Variants in CPEB1 observed in about 807,000 individuals in gnomAD.
CPEB1 encodes cytoplasmic polyadenylation element binding protein 1, also known as cytoplasmic polyadenylation element-binding protein 1.
CPEB1 carries 7 observed loss-of-function variants against 65.8 expected under a neutral mutation model. The ratio of observed to expected loss-of-function variants is 0.11; its 90% CI spans 0.06 to 0.20. The LOEUF is 0.20. Among genes scored for constraint, CPEB1 ranks in the 10% least tolerant of loss-of-function variants. The probability of loss-of-function intolerance (pLI) is 1.00; values close to 1 mark genes in which losing one functional copy is unlikely to be tolerated. For synonymous variants in CPEB1, 262 were observed against 260.0 expected, an observed-to-expected ratio of 1.01 and a Z score of -0.08; for missense variants, 551 against 712.2, an observed-to-expected ratio of 0.77 and a Z score of 2.58.
At chr15:82,552,264 G>A (rs1307635828) in intron 9 of CPEB1, among the ~76,000 whole-genome samples, 2 of 151,078 alleles carry the variant, frequency 1.3e-5, no homozygotes, top group African/African-American at 2.4e-5. Flanking sequence ...ATGCGCATGT[G>A]TGCATGCACA....
chr15:82,553,726 G>T (rs1341111333), intron 7 of CPEB1, 152 bp downstream of exon 7: 1 of 744,860 alleles, frequency 1.3e-6, no homozygotes, highest in Admixed American at 2.3e-5. Context: ...GCACTATGGG[G>T]GTCTATGAAA....
chr15:82,586,643 A>G (rs899714241), intron 3 of CPEB1, among the ~76,000 whole-genome samples: 1 of 152,210 alleles, frequency 6.6e-6, no homozygotes, highest in Non-Finnish European at 1.5e-5. Context: ...TGAGTAGACC[A>G]CCTACAGTTA....
At chr15:82,576,274 G>A (rs1020265142) in intron 3 of CPEB1, among the ~76,000 whole-genome samples, 3 of 152,170 alleles carry the variant, frequency 2.0e-5, no homozygotes, top group African/African-American at 7.2e-5. Context: ...AAAAAATCAG[G>A]TGGTTGCCTC....
chr15:82,604,205 C>T (rs1434906406), intron 3 of CPEB1, among the ~76,000 whole-genome samples: 1 of 152,058 alleles, frequency 6.6e-6, no homozygotes, highest in African/African-American at 2.4e-5. Flanking sequence ...AACAACGGGC[C>T]AGGTGCAGTG....
chr15:82,585,177 C>G (rs896994311), intron 3 of CPEB1, among the ~76,000 whole-genome samples: 1 of 152,020 alleles, frequency 6.6e-6, no homozygotes, highest in Non-Finnish European at 1.5e-5. Flanking sequence ...ACCCTCCCCC[C>G]AGTACTAATT....
chr15:82,547,488 G>A (rs1489085918), intron 10 of CPEB1, among the ~76,000 whole-genome samples: 4 of 151,288 alleles, frequency 2.6e-5, no homozygotes, highest in South Asian at 2.1e-4. Context: ...AGTAGAGATC[G>A]GGTTTCACCA....
intron 3 of CPEB1, among the ~76,000 whole-genome samples, chr15:82,626,643 T>C (rs780727163): frequency 5.3e-5 from 8 of 152,248 alleles, no homozygotes; most frequent in Non-Finnish European, 8.8e-5. Context: ...AGAAACTAAA[T>C]GCGTGCTGAC....
intron 5 of CPEB1, 92 bp from the exon 6 acceptor site, chr15:82,556,214 G>T: frequency 7.5e-7 from 1 of 1,338,366 alleles, no homozygotes; most frequent in Non-Finnish European, 1.0e-6. Context: ...ACATCCAATA[G>T]ACATTTAGCA....
intron 3 of CPEB1, among the ~76,000 whole-genome samples, chr15:82,606,498 G>C (rs1335931083): frequency 6.8e-6 from 1 of 147,298 alleles, no homozygotes; most frequent in Non-Finnish European, 1.5e-5. Flanking sequence ...CTAGTTCTCA[G>C]CACATGCGCT....
intron 3 of CPEB1, among the ~76,000 whole-genome samples, chr15:82,607,158 G>A (rs2043692185): frequency 1.8e-5 from 2 of 108,594 alleles, no homozygotes; most frequent in Non-Finnish European, 3.7e-5. Flanking sequence ...AAAATGGCAG[G>A]TGTATATCTT....
At chr15:82,643,494 T>C (rs1222990165) in intron 1 of CPEB1, among the ~76,000 whole-genome samples, 1 of 152,024 alleles carries the variant, frequency 6.6e-6, no homozygotes, top group Non-Finnish European at 1.5e-5. Flanking sequence ...CCGGGCGTGG[T>C]GGCGCGTGCC....
chr15:82,623,580 G>C (rs1306909502), intron 3 of CPEB1, among the ~76,000 whole-genome samples: 1 of 152,108 alleles, frequency 6.6e-6, no homozygotes, highest in Admixed American at 6.5e-5. Flanking sequence ...GGAGACTGAG[G>C]CAGGAGACTC....
intron 1 of CPEB1, chr15:82,637,952 C>A (rs767754644): frequency 2.2e-6 from 1 of 451,660 alleles, no homozygotes; most frequent in South Asian, 1.6e-5. Flanking sequence ...CATATTAACA[C>A]AATGATTTTC....
chr15:82,647,953 T>A, upstream of CPEB1: 1 of 1,114,858 alleles, frequency 9.0e-7, no homozygotes, highest in Non-Finnish European at 1.1e-6. Context: ...GGCACTATTT[T>A]TGCAGCGGGC....
chr15:82,551,264 A>AT (rs539782574), intron 9 of CPEB1, among the ~76,000 whole-genome samples: 104 of 152,204 alleles, frequency 6.8e-4, no homozygotes, highest in African/African-American at 2.4e-3. Flanking sequence ...TACCCTATAG[A>AT]TTTTTTTAGA....
intron 3 of CPEB1, among the ~76,000 whole-genome samples, chr15:82,580,997 G>A (rs1381976436): frequency 3.3e-5 from 5 of 152,030 alleles, no homozygotes; most frequent in Non-Finnish European, 5.9e-5. Context: ...GACCACAGGT[G>A]CATGTCACCA....
chr15:82,613,084 ACT>A (rs2044337147), intron 3 of CPEB1, among the ~76,000 whole-genome samples: 1 of 152,030 alleles, frequency 6.6e-6, no homozygotes, highest in South Asian at 2.1e-4. Context: ...GAAGCTAACG[ACT>A]CTGACACCAG....
At chr15:82,579,861 G>A (rs1039747621) in intron 3 of CPEB1, among the ~76,000 whole-genome samples, 5 of 129,160 alleles carry the variant, frequency 3.9e-5, no homozygotes, top group Admixed American at 9.5e-5. Context: ...GCAGTGAGCC[G>A]ACATTGCGCC....
chr15:82,550,371 G>A (rs1487076558), intron 9 of CPEB1, among the ~76,000 whole-genome samples: 1 of 152,186 alleles, frequency 6.6e-6, no homozygotes, highest in African/African-American at 2.4e-5. Flanking sequence ...AACCAGCAAG[G>A]AGGCAAAAAC....
Sources: allele counts gnomAD v4.1 joint callset (sites outside exome capture counted in the v4.1 genomes callset), GRCh38; gene constraint gnomAD v4.1.1; transcripts MANE v1.5; gene names NCBI Gene and HGNC (gene_info 2026-07-23, HGNC 2026-07-21).